The following LHX4 variants were observed in gnomAD, a reference collection of about 807,000 sequenced individuals.
LHX4 encodes LIM homeobox 4, also known as LIM/homeobox protein Lhx4.
Under a neutral mutation model 39.2 loss-of-function variants are expected in LHX4, and 16 were observed. The observed-to-expected ratio is 0.41, with a 90% CI of 0.28 to 0.62. The LOEUF is 0.62. Ranked by LOEUF, LHX4 falls within the 20% of genes least tolerant of loss-of-function variation. The pLI is 0.33. For synonymous variants in LHX4, 206 were observed against 198.1 expected (o/e 1.04, Z -0.33); for missense variants, 439 against 511.9 (o/e 0.86, Z 1.37).
chr1:180,258,496 G>A (rs1217682074), intron 2 of LHX4, among the ~76,000 whole-genome samples: 1 of 152,186 alleles, frequency 6.6e-6, no homozygotes, highest in Non-Finnish European at 1.5e-5. Context: ...TGTGACTTAG[G>A]CCCACTGTGG....
Position 180,271,507 on chromosome 1 carries a change from G to T in LHX4, c.579G>T (p.Glu193Asp), listed in dbSNP as rs757269879. ...ARHVREQLSS[E>D]TGLDMRVVQV... The stretch of plus-strand genomic sequence containing the variant: ...ACGTGAGGGAGCAGCTGTCCTCAGA[G>T]ACAGGCCTGGACATGAGGGTCGTAC... The change falls in exon 4 of 6, where the codon GAG (glutamate) becomes GAT (aspartate). Residue 193 changes from glutamate to aspartate, a missense_variant. Glu to Asp is a conservative substitution (Grantham distance 45). Transcript: ENST00000263726. The T allele has an allele frequency of 1.2e-6, 2 of 1,614,050 alleles. No individual in the cohort carries two copies. The highest frequency in any genetic ancestry group is 1.7e-6 in the Non-Finnish European group (2 of 1,180,050).
At chr1:180,250,366 T>C (rs567833248) in intron 2 of LHX4, among the ~76,000 whole-genome samples, 1 of 151,830 alleles carries the variant, frequency 6.6e-6, no homozygotes, top group Non-Finnish European at 1.5e-5. Flanking sequence ...TGGGTTGACA[T>C]ATGTACCCGG....
At chr1:180,229,251 G>A (rs1201146692), upstream of LHX4, among the ~76,000 whole-genome samples, 1 of 152,250 alleles carries the variant, frequency 6.6e-6, no homozygotes, top group African/African-American at 2.4e-5. Context: ...AGCACCCGCG[G>A]TGGCAGCCGG....
At chr1:180,271,261 G>A (rs1456015616) in intron 3 of LHX4, 119 bp from the exon 4 acceptor site, 37 of 1,118,440 alleles carry the variant, frequency 3.3e-5, no homozygotes, top group Non-Finnish European at 4.7e-5. Context: ...CCTGTGCCTC[G>A]CGCTGTCCTG....
intron 2 of LHX4, among the ~76,000 whole-genome samples, chr1:180,263,785 C>A (rs1042999217): frequency 1.3e-5 from 2 of 152,292 alleles, no homozygotes; most frequent in Middle Eastern, 3.4e-3. Flanking sequence ...AAGCCCCCTG[C>A]CTGCTTTTTA....
chr1:180,263,798 G>C (rs1182294014), intron 2 of LHX4, among the ~76,000 whole-genome samples: 1 of 152,106 alleles, frequency 6.6e-6, no homozygotes, highest in Admixed American at 6.5e-5. Flanking sequence ...GCTTTTTAGT[G>C]GGAGAGAGTG....
rs1039567086 is a variant in LHX4, at chr1:180,230,292, G to C, written c.-238G>C. ...GCTGCAGCAACAGCGTCTCAACCTG[G>C]GATGTGCACCAACCCCGGAGAGCGA... On this transcript the variant is annotated 5_prime_UTR_variant, in exon 1 of 6. Transcript: ENST00000263726. This position sits in a 1 kb window ranked among gnomAD's most constrained non-coding sequence, Gnocchi z 5.8. The C allele has an allele frequency of 5.1e-6, 3 of 591,358 alleles. No homozygotes were observed. Among genetic ancestry groups the C allele is most frequent in the Non-Finnish European group, 9.1e-6 (3 of 331,012 alleles). 36.6% of individuals were successfully genotyped at this position (591,358 alleles called of 1,614,324 possible). A position where few individuals can be genotyped will look rare whatever the true frequency, so the allele number is the denominator to read the frequency against.
chr1:180,250,354 C>T (rs534481887), intron 2 of LHX4, among the ~76,000 whole-genome samples: 7 of 142,282 alleles, frequency 4.9e-5, no homozygotes, highest in East Asian at 2.0e-4. Context: ...TGTGTGCGCG[C>T]GTGGGTTGAC....
At chr1:180,228,765 C>T (rs7530324), upstream of LHX4, among the ~76,000 whole-genome samples, 10,575 of 152,266 alleles carry the variant, frequency 0.069, 436 homozygotes, top group African/African-American at 0.09. Flanking sequence ...CCATTCTCCC[C>T]CGCCCCATGC....
intron 2 of LHX4, among the ~76,000 whole-genome samples, chr1:180,251,179 G>A (rs914098021): frequency 2.6e-5 from 4 of 152,226 alleles, no homozygotes; most frequent in Admixed American, 6.5e-5. Context: ...GCCTGCCAGA[G>A]GCACTGGCGC....
chr1:180,255,344 A>G (rs1647806284), intron 2 of LHX4, among the ~76,000 whole-genome samples: 1 of 152,224 alleles, frequency 6.6e-6, no homozygotes, highest in Admixed American at 6.5e-5. Flanking sequence ...ACATGCACAC[A>G]TGCACACACA....
intron 3 of LHX4, 97 bp from the exon 4 acceptor site, chr1:180,271,283 C>A: frequency 1.4e-6 from 2 of 1,383,758 alleles, no homozygotes; most frequent in Non-Finnish European, 2.1e-6. Flanking sequence ...CTACAGCAGG[C>A]AGGCTTAGGT....
intron 1 of LHX4, among the ~76,000 whole-genome samples, chr1:180,240,607 T>C (rs1480416988): frequency 6.6e-6 from 1 of 152,216 alleles, no homozygotes; most frequent in Admixed American, 6.5e-5. Flanking sequence ...ACAAACGCTC[T>C]GTGAAATGTT....
In LHX4 at chr1:180,257,905, G is replaced by A. The variant is rs191968329; in HGVS notation, c.249-8487G>A. Among the ~76,000 whole-genome samples, 17 of 152,302 alleles carry A rather than the reference G, an allele frequency of 1.1e-4. No homozygotes were observed. In the East Asian group the frequency reaches 2.3e-3, roughly 21 times the overall value. On this transcript the variant is annotated intron_variant, in intron 2 of 5. Coordinates refer to ENST00000263726, the MANE Select transcript of LHX4 (RefSeq NM_033343.4). ...ACTGAGTTCAAATCCCAGCTCCACC[G>A]TTTGTCTGTGAGGTCTGGGGCAGTT...
Position 180,271,944 on chromosome 1 carries a change from A to G in LHX4, c.716A>G (p.Lys239Arg). Residue 239 changes from lysine to arginine, a missense_variant, in exon 5 of 6, where the codon AAG (lysine) becomes AGG (arginine). By Grantham distance (26) the Lys-to-Arg change is conservative (BLOSUM62 2). Coordinates refer to ENST00000263726, the MANE Select transcript of LHX4 (RefSeq NM_033343.4). ...GTCAAGAGGAGCCGGGGCAGCAGCA[A>G]GCAGGAGAAGGAGAGCTCTGCAGAG... ...KSVKRSRGSSKQEKESSAEDC... is the reference protein window; with the variant it reads ...KSVKRSRGSSRQEKESSAEDC... 1 of 1,613,328 alleles carries G rather than the reference A, an allele frequency of 6.2e-7. No homozygotes were observed. Among genetic ancestry groups the G allele is most frequent in the Non-Finnish European group, 8.5e-7 (1 of 1,179,872 alleles).
In LHX4 at chr1:180,230,587, C is replaced by G; in HGVS notation, c.58C>G (p.Leu20Val). 1 of 1,613,742 alleles carries G rather than the reference C, an allele frequency of 6.2e-7. No homozygotes were observed. The highest frequency in any genetic ancestry group is 8.5e-7 in the Non-Finnish European group (1 of 1,179,800). ...GGCTGTCAAGGGGCTCCCGGAGATGCTAGGTGTGCCGATGCAACGTAAGAC... is the reference window on the plus strand; with the variant it reads ...GGCTGTCAAGGGGCTCCCGGAGATGGTAGGTGTGCCGATGCAACGTAAGAC... ...EGAVKGLPEM[L>V]GVPMQQIPQC... The change falls in exon 1 of 6, where the codon CTA becomes GTA. Residue 20 changes from leucine (L) to valine (V), a missense_variant. Coordinates refer to ENST00000263726, the MANE Select transcript of LHX4 (RefSeq NM_033343.4). This position sits in a 1 kb window ranked among gnomAD's most constrained non-coding sequence, Gnocchi z 5.8.
At chr1:180,258,556 T>A (rs1647970911) in intron 2 of LHX4, among the ~76,000 whole-genome samples, 2 of 152,104 alleles carry the variant, frequency 1.3e-5, no homozygotes, top group African/African-American at 4.8e-5. Flanking sequence ...GCGGGGAGAC[T>A]GTTAGGAGGC....
rs116406553 is a variant in LHX4, at chr1:180,258,898, T to A, written c.249-7494T>A. Among the ~76,000 whole-genome samples, 1,521 of 152,168 alleles carry A rather than the reference T, an allele frequency of 1.0e-2. 18 individuals carry two copies. The highest frequency in any genetic ancestry group is 0.034 in the African/African-American group (1,392 of 41,498). ...TGCTGACAGATCAGATGGGGACGGA[T>A]GCCCAAAGGTTTTGGCCTGAGCTGT... On this transcript the variant is annotated intron_variant, in intron 2 of 5. Transcript: ENST00000263726.
At chr1:180,236,914 T>G (rs1224855404) in intron 1 of LHX4, among the ~76,000 whole-genome samples, 4 of 152,202 alleles carry the variant, frequency 2.6e-5, no homozygotes, top group African/African-American at 9.6e-5. Flanking sequence ...CGGCTGAATT[T>G]GGAGAGGGCT....
Sources: gnomAD v4.1 joint callset for allele counts (sites outside exome capture counted in the v4.1 genomes callset) on GRCh38, gnomAD v4.1.1 for gene constraint, Gnocchi (gnomAD v3.1) non-coding constraint, MANE v1.5 for transcripts, NCBI Gene and HGNC (gene_info 2026-07-23, HGNC 2026-07-21) for gene names.